The following TIMM23B variants were observed in gnomAD, a reference collection of about 807,000 sequenced individuals.
TIMM23B encodes translocase of inner mitochondrial membrane 23 homolog B.
A neutral mutation model predicts 27.3 loss-of-function variants in TIMM23B; 27 were observed. The observed-to-expected ratio is 0.99, with a 90% confidence interval of 0.73 to 1.36. The LOEUF is 1.36. Among genes scored for constraint, TIMM23B ranks in the 40% most tolerant of loss-of-function variants. The probability of loss-of-function intolerance (pLI) is 0.00; values close to 1 mark genes in which losing one functional copy is unlikely to be tolerated. For missense variants in TIMM23B, 205 were observed against 244.2 expected, an observed-to-expected ratio of 0.84 and a Z score of 1.07; for synonymous variants, 73 against 92.4, an observed-to-expected ratio of 0.79 and a Z score of 1.21.
intron 6 of TIMM23B, among the ~76,000 whole-genome samples, chr10:49,961,488 A>G (rs1839905108): frequency 1.3e-5 from 2 of 152,038 alleles, no homozygotes; most frequent in South Asian, 2.1e-4. Context: ...TGTGGAAGCA[A>G]TATATGGGAC....
chr10:49,966,057 CGAAAT>C (rs1217673700), intron 6 of TIMM23B, among the ~76,000 whole-genome samples: 1 of 106,066 alleles, frequency 9.4e-6, no homozygotes, highest in Admixed American at 1.1e-4. Flanking sequence ...GTCTCTGTCT[CGAAAT>C]GAAATGACAT....
chr10:49,958,362 C>G lies in TIMM23B; in HGVS notation c.404-8C>G, dbSNP rs1374654711. The G allele has an allele frequency of 1.5e-5, 24 of 1,613,664 alleles. No individual in the cohort carries two copies. Among genetic ancestry groups the G allele is most frequent in the Non-Finnish European group, 1.8e-5 (21 of 1,179,682 alleles). ...TTTTGTCACTGAGCACTTCCATTTCCTCTTTAGCGTTGCTCTATAGTGCAT... is the reference window on the plus strand; with the variant it reads ...TTTTGTCACTGAGCACTTCCATTTCGTCTTTAGCGTTGCTCTATAGTGCAT... On this transcript the variant is annotated splice_polypyrimidine_tract_variant and splice_region_variant and intron_variant, in intron 5 of 6. Transcript: ENST00000651259.
chr10:49,945,774 T>C (rs1238541119), intron 2 of TIMM23B, among the ~76,000 whole-genome samples: 96 of 152,194 alleles, frequency 6.3e-4, no homozygotes, highest in Non-Finnish European at 1.1e-3. Flanking sequence ...AATTAATGTA[T>C]TGTGCCATAT....
chr10:49,969,757 A>ACTCTCCCTCTCCCCACGGTCTCC (rs1349795596), intron 6 of TIMM23B, among the ~76,000 whole-genome samples: 10 of 148,912 alleles, frequency 6.7e-5, no homozygotes, highest in African/African-American at 1.7e-4. Context: ...TCTCCCTCTC[A>ACTCTCCCTCTCCCCACGGTCTCC]CTCTCCCTCT....
At chr10:49,969,540 A>G (rs559510494) in intron 6 of TIMM23B, among the ~76,000 whole-genome samples, 11 of 151,870 alleles carry the variant, frequency 7.2e-5, no homozygotes, top group Admixed American at 5.3e-4. Flanking sequence ...CAACATAGCT[A>G]CTAAAAATAC....
intron 6 of TIMM23B, among the ~76,000 whole-genome samples, chr10:49,959,240 G>A (rs1464771915): frequency 2.6e-5 from 4 of 152,068 alleles, no homozygotes; most frequent in Non-Finnish European, 4.4e-5. Flanking sequence ...GACAGACTAA[G>A]CAATAGAATA....
At chr10:49,954,085 CATT>C (rs1839628020) in intron 4 of TIMM23B, 1 of 155,090 alleles carries the variant, frequency 6.4e-6, no homozygotes, top group African/African-American at 2.4e-5. Flanking sequence ...TGTTTGTAAA[CATT>C]ACTGATTTTT....
At chr10:49,943,745 T>G in intron 1 of TIMM23B, among the ~76,000 whole-genome samples, 1 of 149,350 alleles carries the variant, frequency 6.7e-6, no homozygotes, top group South Asian at 2.1e-4. Flanking sequence ...GGGTTTTTTT[T>G]TTTTTTTTTT....
rs1229989079 is a variant in TIMM23B at position 49,952,456 on chromosome 10, G to A, written c.267G>A (p.Ala89=). 68 of 1,613,000 alleles carry A rather than the reference G, an allele frequency of 4.2e-5. 1 individual carries two copies. The highest frequency in any genetic ancestry group is 7.7e-5 in the South Asian group (7 of 90,986). ...TIGGCCMTGA[A]FGAMNGLRLG... ...ATTTTTATGATTTACCAGGGGCTGC[G>A]TTTGGGGCAATGAATGGTCTTCGGC... is the stretch of plus-strand genomic sequence containing the variant. The change falls in exon 4 of 7, where the codon GCG becomes GCA. Residue 89 remains alanine, a synonymous_variant. Coordinates refer to ENST00000651259, the MANE Select transcript of TIMM23B (RefSeq NM_001290117.2).
chr10:49,944,044 A>G (rs1401891763), intron 1 of TIMM23B, among the ~76,000 whole-genome samples: 1 of 152,232 alleles, frequency 6.6e-6, no homozygotes, highest in Non-Finnish European at 1.5e-5. Flanking sequence ...GGCATGTTTA[A>G]GGAACAGCTC....
intron 2 of TIMM23B, among the ~76,000 whole-genome samples, chr10:49,948,664 A>G (rs1415307805): frequency 1.1e-4 from 16 of 152,248 alleles, no homozygotes; most frequent in Admixed American, 9.8e-4. Context: ...GAATAGGCAA[A>G]TATATGGACA....
chr10:49,968,851 T>C (rs1840287385), intron 6 of TIMM23B, among the ~76,000 whole-genome samples: 1 of 152,080 alleles, frequency 6.6e-6, no homozygotes, highest in African/African-American at 2.4e-5. Context: ...AGAAATGTTA[T>C]GAAAAATTTG....
intron 6 of TIMM23B, among the ~76,000 whole-genome samples, chr10:49,963,785 A>T (rs1466224630): frequency 6.6e-6 from 1 of 152,086 alleles, no homozygotes; most frequent in Admixed American, 6.5e-5. Context: ...GGCCAACATG[A>T]TGAAACCCCA....
chr10:49,963,301 A>G (rs1839987626), intron 6 of TIMM23B, among the ~76,000 whole-genome samples: 1 of 152,142 alleles, frequency 6.6e-6, no homozygotes, highest in South Asian at 2.1e-4. Flanking sequence ...TCGAAATGAA[A>G]TGGAATGAAA....
At chr10:49,950,200 CTTTT>C (rs1169522720) in intron 2 of TIMM23B, among the ~76,000 whole-genome samples, 2 of 117,978 alleles carry the variant, frequency 1.7e-5, no homozygotes, top group Non-Finnish European at 1.8e-5. Context: ...AAAGTTTTTT[CTTTT>C]TTTTTTTTTT....
At chr10:49,950,162 T>C (rs1414385186) in intron 2 of TIMM23B, among the ~76,000 whole-genome samples, 64 of 151,990 alleles carry the variant, frequency 4.2e-4, no homozygotes, top group African/African-American at 1.3e-3. Flanking sequence ...ACATCCATAG[T>C]GTTAAACACG....
chr10:49,942,238 T>G lies in TIMM23B; in HGVS notation c.44T>G (p.Leu15Trp). 6.2e-7 allele frequency: 1 copy of G among 1,612,836 alleles called. No homozygotes were observed. Among genetic ancestry groups the G allele is most frequent in the Non-Finnish European group, 8.5e-7 (1 of 1,179,426 alleles). Residue 15 changes from leucine (L) to tryptophan (W), a missense_variant, in exon 1 of 7, where the codon TTG becomes TGG. Coordinates refer to ENST00000651259, the MANE Select transcript of TIMM23B (RefSeq NM_001290117.2). Reference protein sequence around the residue: ...GGSGDKTTGVLAGFFGAGEAG... With the variant: ...GGSGDKTTGVWAGFFGAGEAG... ...AGCGGCGACAAAACCACAGGGGTAT[T>G]GGCCGGCTTTTTCGGAGCCGGCGAA...
chr10:49,966,632 C>T (rs1437031859), intron 6 of TIMM23B, among the ~76,000 whole-genome samples: 1 of 151,982 alleles, frequency 6.6e-6, no homozygotes, highest in Non-Finnish European at 1.5e-5. Flanking sequence ...TCAAGACCAG[C>T]CTGGCCAACA....
intron 1 of TIMM23B, 84 bp from the exon 2 acceptor site, chr10:49,944,948 A>G (rs1184329939): frequency 1.5e-5 from 24 of 1,554,700 alleles, no homozygotes; most frequent in African/African-American, 2.7e-5. Context: ...TTGCAAACAC[A>G]TGTAACAATC....
Sources: gnomAD v4.1 joint callset for allele counts (sites outside exome capture counted in the v4.1 genomes callset) on GRCh38, gnomAD v4.1.1 for gene constraint, MANE v1.5 for transcripts, NCBI Gene and HGNC (gene_info 2026-07-23, HGNC 2026-07-21) for gene names.